Variants in INA observed in about 807,000 individuals in gnomAD.
The protein encoded by INA is alpha-internexin.
INA carries 35 observed loss-of-function variants against 40.1 expected under a neutral mutation model. The ratio of observed to expected loss-of-function variants is 0.87; its 90% CI spans 0.67 to 1.16. The LOEUF is 1.16. INA is among the 50% of genes most tolerant of loss of function. The pLI is 0.00. For missense variants in INA, 594 were observed against 686.7 expected, an observed-to-expected ratio of 0.87 and a Z score of 1.51; for synonymous variants, 290 against 316.9, an observed-to-expected ratio of 0.92 and a Z score of 0.90.
At chr10:103,285,760 G>A (rs564496945) in intron 1 of INA, among the ~76,000 whole-genome samples, 1 of 152,034 alleles carries the variant, frequency 6.6e-6, no homozygotes, top group Non-Finnish European at 1.5e-5. Context: ...TGGGATTACA[G>A]GTGCATGCCA....
At chr10:103,288,292 T>C (rs773967987) in intron 2 of INA, 68 bp from the exon 3 acceptor site, 1 of 1,312,274 alleles carries the variant, frequency 7.6e-7, no homozygotes, top group Non-Finnish European at 1.1e-6. Flanking sequence ...GAATCAGGAT[T>C]GGAGGGTTGA....
rs2093063522 is a variant in INA at position 103,277,819 on chromosome 10, TG to T, written c.610del (p.Asp204ThrfsTer32). The T allele has an allele frequency of 6.5e-7, 1 of 1,538,650 alleles. No homozygotes were observed. Among genetic ancestry groups the T allele is most frequent in the African/African-American group, 1.4e-5 (1 of 72,660 alleles). On this transcript the variant is annotated frameshift_variant, in exon 1 of 3. Coordinates refer to ENST00000369849, the MANE Select transcript of INA (RefSeq NM_032727.4). LOFTEE classifies it high-confidence loss of function. The surrounding 1 kb of genome is among the most constrained non-coding windows in gnomAD (Gnocchi z 5.6). ...ERALKAQQRD[V>X]DGATLARLDL... ...GCCCTGAAGGCGCAGCAGCGCGACG[TG>T]GACGGCGCCACGCTGGCCCGCCTGG...
In INA at chr10:103,290,053, A is replaced by G. The variant is rs1052243972; in HGVS notation, c.*1384A>G. The G allele has an allele frequency of 1.3e-5, 2 of 152,556 alleles. No homozygotes were observed. Among genetic ancestry groups the G allele is most frequent in the Non-Finnish European group, 2.9e-5 (2 of 68,050 alleles). 9.5% of individuals were successfully genotyped at this position (152,556 alleles called of 1,614,324 possible). A position where few individuals can be genotyped will look rare whatever the true frequency, so the allele number is the denominator to read the frequency against. ...ATCTGCCCAACTGTGTAGCATCTGC[A>G]TTGCCCAGTCTTTCATGTGTGCCAA... On this transcript the variant is annotated 3_prime_UTR_variant, in exon 3 of 3. Transcript: ENST00000369849.
At position 103,289,871 on chromosome 10, in the gene INA, G is replaced by A. The variant is rs1191458166; in HGVS notation, c.*1202G>A. The A allele has an allele frequency of 6.6e-6, 1 of 152,534 alleles. No individual in the cohort carries two copies. Among genetic ancestry groups the A allele is most frequent in the Non-Finnish European group, 1.5e-5 (1 of 68,034 alleles). 9.4% of individuals were successfully genotyped at this position (152,534 alleles called of 1,614,324 possible). A position where few individuals can be genotyped will look rare whatever the true frequency, so the allele number is the denominator to read the frequency against. On this transcript the variant is annotated 3_prime_UTR_variant, in exon 3 of 3. Coordinates refer to ENST00000369849, the MANE Select transcript of INA (RefSeq NM_032727.4). ...ACACTACCAGCGTATATATAAGAAA[G>A]ACATCTTTCTCTTTTCTAAAAGACT...
rs1406359038 is a variant in INA at position 103,277,384 on chromosome 10, C to T, written c.173C>T (p.Ser58Leu). 6.4e-7 allele frequency: 1 copy of T among 1,561,242 alleles called. No individual in the cohort carries two copies. The highest frequency in any genetic ancestry group is 8.6e-7 in the Non-Finnish European group (1 of 1,160,926). ...TCCTCGGCCGCCTGCTCCTCGGCCTCGTCGCTCGGCCTCGGCCTGGCCTAT... is the reference window on the plus strand; with the variant it reads ...TCCTCGGCCGCCTGCTCCTCGGCCTTGTCGCTCGGCCTCGGCCTGGCCTAT... ...VASSAACSSASSLGLGLAYRR... is the reference protein window; with the variant it reads ...VASSAACSSALSLGLGLAYRR... The change falls in exon 1 of 3, where the codon TCG becomes TTG. Residue 58 changes from serine (S) to leucine (L), a missense_variant. Ser to Leu is a moderately radical substitution (Grantham distance 145). This residue lies in a region of INA where 215 missense variants were observed against 190.6 expected (regional missense o/e 1.13). Transcript: ENST00000369849. The surrounding 1 kb of genome is among the most constrained non-coding windows in gnomAD (Gnocchi z 5.6).
At chr10:103,279,819 C>A in intron 1 of INA, 1 of 564,844 alleles carries the variant, frequency 1.8e-6, no homozygotes, top group Non-Finnish European at 2.8e-6. Context: ...CATTATCATT[C>A]AAATAAGTAC....
chr10:103,283,401 T>G (rs2093076933), intron 1 of INA, among the ~76,000 whole-genome samples: 1 of 152,172 alleles, frequency 6.6e-6, no homozygotes, highest in Admixed American at 6.6e-5. Flanking sequence ...CAGGTAAAAT[T>G]TCTTGGTAAA....
intron 1 of INA, among the ~76,000 whole-genome samples, chr10:103,283,480 G>A (rs1292727973): frequency 6.6e-5 from 10 of 152,092 alleles, no homozygotes; most frequent in Non-Finnish European, 1.3e-4. Context: ...AGTATAATAC[G>A]TATTTTTCCT....
At position 103,277,914 on chromosome 10, in the gene INA, G is replaced by T; in HGVS notation, c.703G>T (p.Val235Leu). ...CGTACGCCAGGTGCACGACGAGGAGGTAGCCGAGCTGCTGGCCACGCTGCA... is the reference window on the plus strand; with the variant it reads ...CGTACGCCAGGTGCACGACGAGGAGTTAGCCGAGCTGCTGGCCACGCTGCA... ...AFVRQVHDEE[V>L]AELLATLQAS... Residue 235 changes from valine (V) to leucine (L), a missense_variant, in exon 1 of 3, where the codon GTA (valine) becomes TTA (leucine). Physicochemically the swap from Val to Leu is conservative, Grantham distance 32. This residue lies in a region of INA where 379 missense variants were observed against 496.1 expected (regional missense o/e 0.76). Coordinates refer to ENST00000369849, the MANE Select transcript of INA (RefSeq NM_032727.4). This position sits in a 1 kb window ranked among gnomAD's most constrained non-coding sequence, Gnocchi z 5.6. 6.4e-7 allele frequency: 1 copy of T among 1,551,300 alleles called. No homozygotes were observed. Among genetic ancestry groups the T allele is most frequent in the East Asian group, 2.4e-5 (1 of 40,932 alleles).
At position 103,277,271 on chromosome 10, in the gene INA, G is replaced by A. The variant is rs2093060952; in HGVS notation, c.60G>A (p.Gly20=). ...CCTCCTCCTACCGCAAGGTGTTCGG[G>A]GATGGCTCTCGCCTGTCCGCCCGCC... ...CSSSSYRKVF[G]DGSRLSARLS... is the part of the protein sequence containing the mutation. Residue 20 remains glycine, a synonymous_variant, in exon 1 of 3, where the codon GGG becomes GGA. Coordinates refer to ENST00000369849, the MANE Select transcript of INA (RefSeq NM_032727.4). This position sits in a 1 kb window ranked among gnomAD's most constrained non-coding sequence, Gnocchi z 5.6. 6.3e-7 allele frequency: 1 copy of A among 1,593,936 alleles called. No homozygotes were observed. Among genetic ancestry groups the A allele is most frequent in the Non-Finnish European group, 8.5e-7 (1 of 1,174,108 alleles).
intron 1 of INA, among the ~76,000 whole-genome samples, chr10:103,279,670 G>A (rs1415140153): frequency 6.6e-6 from 1 of 152,148 alleles, no homozygotes; most frequent in Admixed American, 6.5e-5. Flanking sequence ...ACCAAGAAAG[G>A]AATGAAATCT....
chr10:103,284,955 G>A (rs1468869876), intron 1 of INA, among the ~76,000 whole-genome samples: 2 of 151,476 alleles, frequency 1.3e-5, no homozygotes, highest in East Asian at 3.9e-4. Context: ...ACCTGTCTGA[G>A]GAGAGGACAT....
chr10:103,287,883 G>A (rs1317691147), intron 2 of INA, among the ~76,000 whole-genome samples: 1 of 152,084 alleles, frequency 6.6e-6, no homozygotes, highest in African/African-American at 2.4e-5. Context: ...GTTATTGCTG[G>A]TTCTATTCCC....
At position 103,289,079 on chromosome 10, in the gene INA, T is replaced by C. The variant is rs905622155; in HGVS notation, c.*410T>C. The C allele has an allele frequency of 1.3e-5, 2 of 155,658 alleles. No individual in the cohort carries two copies. The highest frequency in any genetic ancestry group is 4.8e-5 in the African/African-American group (2 of 41,512). The allele number at this position is 155,658 out of a possible 1,614,324, so 9.6% of individuals were successfully genotyped here. ...CTAGATACCTAAAACATAAGATCAC[T>C]GCCAGAGATAAACTAATGGTCCACA... On this transcript the variant is annotated 3_prime_UTR_variant, in exon 3 of 3. Coordinates refer to ENST00000369849, the MANE Select transcript of INA (RefSeq NM_032727.4).
At position 103,277,954 on chromosome 10, in the gene INA, C is replaced by T. The variant is rs1341549867; in HGVS notation, c.743C>T (p.Ala248Val). The T allele has an allele frequency of 6.4e-7, 1 of 1,561,734 alleles. No individual in the cohort carries two copies. The highest frequency in any genetic ancestry group is 8.7e-7 in the Non-Finnish European group (1 of 1,153,680). Residue 248 changes from alanine to valine, a missense_variant, in exon 1 of 3, where the codon GCC becomes GTC. Ala to Val is a moderately conservative substitution (Grantham distance 64, BLOSUM62 0). This residue lies in a region of INA where 379 missense variants were observed against 496.1 expected (regional missense o/e 0.76). Transcript: ENST00000369849. This position sits in a 1 kb window ranked among gnomAD's most constrained non-coding sequence, Gnocchi z 5.6. The part of the protein sequence containing the change: ...LLATLQASSQ[A>V]AAEVDVTVAK... Reference sequence around the variant, plus strand: ...GCCACGCTGCAGGCGTCGTCGCAGGCCGCGGCCGAGGTGGACGTGACTGTG... The same window carrying T: ...GCCACGCTGCAGGCGTCGTCGCAGGTCGCGGCCGAGGTGGACGTGACTGTG...
chr10:103,287,080 G>C lies in INA; in HGVS notation c.1111G>C (p.Glu371Gln). The C allele has an allele frequency of 6.2e-7, 1 of 1,613,986 alleles. No homozygotes were observed. The highest frequency in any genetic ancestry group is 8.5e-7 in the Non-Finnish European group (1 of 1,179,920). ...GAATGATCTGAGGAACACCAAGAGTGAGATGGCACGCCACCTTCGGGAATA... is the reference window on the plus strand; with the variant it reads ...GAATGATCTGAGGAACACCAAGAGTCAGATGGCACGCCACCTTCGGGAATA... ...LENDLRNTKSEMARHLREYQD... is the reference protein window; with the variant it reads ...LENDLRNTKSQMARHLREYQD... The change falls in exon 2 of 3, where the codon GAG becomes CAG. Residue 371 changes from glutamate to glutamine, a missense_variant. By Grantham distance (29) the Glu-to-Gln change is conservative (BLOSUM62 2). This residue lies in a region of INA where 379 missense variants were observed against 496.1 expected (regional missense o/e 0.76). Transcript: ENST00000369849.
chr10:103,283,986 C>T (rs773876112), intron 1 of INA, among the ~76,000 whole-genome samples: 2 of 151,728 alleles, frequency 1.3e-5, no homozygotes, highest in Non-Finnish European at 2.9e-5. Flanking sequence ...TCTTGATTGA[C>T]CTGAACTCCT....
intron 1 of INA, among the ~76,000 whole-genome samples, chr10:103,282,181 T>C (rs1267125257): frequency 3.3e-5 from 5 of 152,214 alleles, no homozygotes. Context: ...AAAATAGATA[T>C]ATGAAATCTG....
Position 103,277,343 on chromosome 10 carries a change from C to G in INA, c.132C>G (p.Ser44=). ...GAGGFRSQSL[S]RSNVASSAAC... ...GCGGCTTCCGCTCGCAGTCGCTGTC[C>G]CGCAGCAATGTGGCCTCCTCGGCCG... is the stretch of plus-strand genomic sequence containing the variant. The change falls in exon 1 of 3, where the codon TCC becomes TCG. Residue 44 remains serine (S), a synonymous_variant. Coordinates refer to ENST00000369849, the MANE Select transcript of INA (RefSeq NM_032727.4). The surrounding 1 kb of genome is among the most constrained non-coding windows in gnomAD (Gnocchi z 5.6). The G allele has an allele frequency of 6.3e-7, 1 of 1,582,170 alleles. No individual in the cohort carries two copies. The highest frequency in any genetic ancestry group is 8.5e-7 in the Non-Finnish European group (1 of 1,170,258).
Sources: gnomAD v4.1 joint callset for allele counts (sites outside exome capture counted in the v4.1 genomes callset) on GRCh38, gnomAD v4.1.1 for gene constraint, gnomAD v4.1.1 regional missense constraint, Gnocchi (gnomAD v3.1) non-coding constraint, MANE v1.5 for transcripts, NCBI Gene and HGNC (gene_info 2026-07-23, HGNC 2026-07-21) for gene names.